The following ARHGAP29 variants were observed in gnomAD, a reference collection of about 807,000 sequenced individuals.
The protein encoded by ARHGAP29 is Rho GTPase activating protein 29.
ARHGAP29 carries 43 observed loss-of-function variants against 122.6 expected under a neutral mutation model. The ratio of observed to expected loss-of-function variants is 0.35; its 90% CI spans 0.27 to 0.45. ARHGAP29 has a LOEUF of 0.45. ARHGAP29 is among the 20% of genes least tolerant of loss of function. The pLI is 1.00. For missense variants in ARHGAP29, 1,303 were observed against 1,477.2 expected (o/e 0.88, Z 1.93); for synonymous variants, 506 against 497.1 (o/e 1.02, Z -0.24).
chr1:94,311,875 C>G, the ARHGAP29 span, among the ~76,000 whole-genome samples: 3 of 152,236 alleles, frequency 2.0e-5, no homozygotes, highest in Non-Finnish European at 4.4e-5. Context: ...CCTTCTGTAA[C>G]TATGTTCTTC....
At chr1:94,213,321 A>G (rs1651767254) in intron 3 of ARHGAP29, among the ~76,000 whole-genome samples, 1 of 152,064 alleles carries the variant, frequency 6.6e-6, no homozygotes, top group Non-Finnish European at 1.5e-5. Flanking sequence ...CTGGGACTAC[A>G]GGCACCCGCC....
chr1:94,217,076 C>T (rs1227987615), intron 3 of ARHGAP29, among the ~76,000 whole-genome samples: 1 of 152,176 alleles, frequency 6.6e-6, no homozygotes, highest in Non-Finnish European at 1.5e-5. Flanking sequence ...TGCATTCAAA[C>T]CTGTGGTAAT....
intron 8 of ARHGAP29, among the ~76,000 whole-genome samples, chr1:94,203,645 G>C (rs1395124060): frequency 6.6e-6 from 1 of 151,932 alleles, no homozygotes; most frequent in African/African-American, 2.4e-5. Context: ...GCGGTGGGAG[G>C]ATCGCTTGAG....
the ARHGAP29 span, among the ~76,000 whole-genome samples, chr1:94,293,593 G>C: frequency 6.6e-6 from 1 of 152,286 alleles, no homozygotes; most frequent in East Asian, 1.9e-4. Context: ...GACCAGAGCT[G>C]TTCCTATTTG....
At chr1:94,213,852 A>G (rs927133203) in intron 3 of ARHGAP29, among the ~76,000 whole-genome samples, 1 of 152,240 alleles carries the variant, frequency 6.6e-6, no homozygotes, top group East Asian at 1.9e-4. Context: ...GAAGATGTTC[A>G]AAAATGTTAG....
At chr1:94,251,663 T>G (rs1045965703) in intron 1 of ARHGAP29, among the ~76,000 whole-genome samples, 5 of 152,214 alleles carry the variant, frequency 3.3e-5, no homozygotes, top group African/African-American at 1.2e-4. Flanking sequence ...GACTTTTGCC[T>G]TTGCTGTTTC....
intron 12 of ARHGAP29, among the ~76,000 whole-genome samples, chr1:94,200,359 C>T (rs921381342): frequency 1.3e-5 from 2 of 152,214 alleles, no homozygotes; most frequent in Admixed American, 6.5e-5. Flanking sequence ...TTAGATAACA[C>T]ACCTATTGGA....
At chr1:94,239,942 C>CA (rs1386316939), upstream of ARHGAP29, among the ~76,000 whole-genome samples, 1 of 152,092 alleles carries the variant, frequency 6.6e-6, no homozygotes, top group East Asian at 1.9e-4. Context: ...CTTCAAACCC[C>CA]ACTGGAGAAT....
At position 94,202,969 on chromosome 1, in the gene ARHGAP29, T is replaced by C; in HGVS notation, c.903A>G (p.Glu301=). 6.2e-7 allele frequency: 1 copy of C among 1,609,286 alleles called. No individual in the cohort carries two copies. The highest frequency in any genetic ancestry group is 8.5e-7 in the Non-Finnish European group (1 of 1,178,998). The change falls in exon 10 of 23, where the codon GAA becomes GAG. Residue 301 remains glutamate (E), a synonymous_variant. Coordinates refer to ENST00000260526, the MANE Select transcript of ARHGAP29 (RefSeq NM_004815.4). The stretch of plus-strand genomic sequence containing the variant: ...GCTCTTTTATTTCTTTCCTTTGTTT[T>C]TCCATTTCATTTTTCCTTCCAAGTA... ...QPLLGRKNEM[E]KQRKEIKELW...
chr1:94,185,188 TAAC>T lies in ARHGAP29; in HGVS notation c.1921-131_1921-129del, dbSNP rs372009438. 325 of 1,208,126 alleles carry T rather than the reference TAAC, an allele frequency of 2.7e-4. 1 individual carries two copies. In the African/African-American group the frequency reaches 4.7e-3, roughly 18 times the overall value. The allele number at this position is 1,208,126 out of a possible 1,614,324, so 74.8% of individuals were successfully genotyped here. ...TTACTTGCGCTATTTGAAACAGATT[TAAC>T]AACAAAATAAAATATAAAATTATAG... is the stretch of plus-strand genomic sequence containing the variant. On this transcript the variant is annotated intron_variant, in intron 17 of 22. Coordinates refer to ENST00000260526, the MANE Select transcript of ARHGAP29 (RefSeq NM_004815.4).
At chr1:94,276,244 C>T (rs1004931653), upstream of ARHGAP29, among the ~76,000 whole-genome samples, 9 of 150,552 alleles carry the variant, frequency 6.0e-5, no homozygotes, top group Admixed American at 1.3e-4. Context: ...AGTGACCGAG[C>T]GAGACTCTGT....
intron 22 of ARHGAP29, 45 bp downstream of exon 22, chr1:94,177,567 A>C (rs1649170476): frequency 6.7e-7 from 1 of 1,499,386 alleles, no homozygotes; most frequent in Non-Finnish European, 9.1e-7. Flanking sequence ...CTACTGGTAA[A>C]ATTTTAAGCC....
chr1:94,193,246 A>G (rs900757133), intron 12 of ARHGAP29: 1 of 152,074 alleles, frequency 6.6e-6, no homozygotes, highest in Non-Finnish European at 1.5e-5. Flanking sequence ...ACAGAACACT[A>G]TAAACAACCA....
intron 7 of ARHGAP29, among the ~76,000 whole-genome samples, chr1:94,204,709 AT>A (rs1278284995): frequency 9.3e-5 from 14 of 150,268 alleles, no homozygotes; most frequent in Admixed American, 2.6e-4. Flanking sequence ...AATATTAGCT[AT>A]TAAAATGTTT....
intron 1 of ARHGAP29, among the ~76,000 whole-genome samples, chr1:94,244,461 G>A (rs974688154): frequency 6.7e-6 from 1 of 150,328 alleles, no homozygotes; most frequent in South Asian, 2.1e-4. Context: ...CGTAGGAATA[G>A]AAGATAATTT....
intron 20 of ARHGAP29, among the ~76,000 whole-genome samples, chr1:94,178,387 AGAAG>A (rs1649246419): frequency 6.6e-6 from 1 of 152,234 alleles, no homozygotes; most frequent in Non-Finnish European, 1.5e-5. Context: ...CAAGTTAAGT[AGAAG>A]GAACTACTAT....
chr1:94,266,668 A>G (rs1371946126), intron 1 of ARHGAP29, among the ~76,000 whole-genome samples: 1 of 152,206 alleles, frequency 6.6e-6, no homozygotes, highest in Non-Finnish European at 1.5e-5. Flanking sequence ...TCTAAAGAAT[A>G]CCATTCAGGT....
At chr1:94,240,533 A>C (rs1653535033), upstream of ARHGAP29, among the ~76,000 whole-genome samples, 1 of 152,244 alleles carries the variant, frequency 6.6e-6, no homozygotes, top group Admixed American at 6.5e-5. Flanking sequence ...GGTCTATAAT[A>C]AAATTGTAGT....
chr1:94,286,760 C>A, the ARHGAP29 span, among the ~76,000 whole-genome samples: 4 of 152,122 alleles, frequency 2.6e-5, no homozygotes, highest in Non-Finnish European at 5.9e-5. Flanking sequence ...TAAACAAGGT[C>A]TTTGGTGATC....
Sources: gnomAD v4.1 joint callset for allele counts (sites outside exome capture counted in the v4.1 genomes callset) on GRCh38, gnomAD v4.1.1 for gene constraint, MANE v1.5 for transcripts, NCBI Gene and HGNC (gene_info 2026-07-23, HGNC 2026-07-21) for gene names.